DNM3: variants seen among roughly 807,000 people sequenced by gnomAD.
DNM3 encodes the protein dynamin 3.
Under a neutral mutation model 101.6 loss-of-function variants are expected in DNM3, and 47 were observed. The ratio of observed to expected loss-of-function variants is 0.46; its 90% CI spans 0.37 to 0.59. The LOEUF is 0.59. DNM3 is among the 20% of genes least tolerant of loss of function. DNM3 has a pLI of 0.00. For missense variants in DNM3, 849 were observed against 1,085.7 expected, an observed-to-expected ratio of 0.78 and a Z score of 3.06; for synonymous variants, 385 against 387.9, an observed-to-expected ratio of 0.99 and a Z score of 0.09.
At chr1:172,288,773 G>A (rs865936251) in intron 15 of DNM3, among the ~76,000 whole-genome samples, 2 of 152,174 alleles carry the variant, frequency 1.3e-5, no homozygotes, top group African/African-American at 2.4e-5. Flanking sequence ...TTTAGGGGAA[G>A]AGAAGATTTG....
At chr1:171,914,576 C>T (rs2039564308) in intron 1 of DNM3, among the ~76,000 whole-genome samples, 1 of 151,946 alleles carries the variant, frequency 6.6e-6, no homozygotes, top group African/African-American at 2.4e-5. Flanking sequence ...TAATATTGGC[C>T]CACCTAGTAT....
At position 172,412,699 on chromosome 1, in the gene DNM3, A is replaced by AATT. The variant is rs1451730516; in HGVS notation, c.*4861_*4863dup. 6 of 985,646 alleles carry AATT rather than the reference A, an allele frequency of 6.1e-6. No individual in the cohort carries two copies. Among genetic ancestry groups the AATT allele is most frequent in the Middle Eastern group, 5.2e-4 (1 of 1,936 alleles). The allele number at this position is 985,646 out of a possible 1,614,324, so 61.1% of individuals were successfully genotyped here. A position where few individuals can be genotyped will look rare whatever the true frequency, so the allele number is the denominator to read the frequency against. On this transcript the variant is annotated 3_prime_UTR_variant, in exon 21 of 21. Coordinates refer to ENST00000627582, the MANE Select transcript of DNM3 (RefSeq NM_015569.5). ...AAGCTGTATTTCTGAAGCTGAAATA[A>AATT]ATTATAACATTTGAAGGACCCCTTT...
intron 17 of DNM3, among the ~76,000 whole-genome samples, chr1:172,369,769 G>C (rs10911654): frequency 0.18 from 27,847 of 151,796 alleles, 4,618 homozygotes; most frequent in African/African-American, 0.44. Flanking sequence ...ATTACATATT[G>C]TATTAGTTTG....
rs2071051904 is a variant in DNM3, at chr1:172,408,681, C to G, written c.*840C>G. 1 of 984,842 alleles carries G rather than the reference C, an allele frequency of 1.0e-6. No individual in the cohort carries two copies. The highest frequency in any genetic ancestry group is 1.2e-6 in the Non-Finnish European group (1 of 829,464). 61.0% of individuals were successfully genotyped at this position (984,842 alleles called of 1,614,324 possible). A position where few individuals can be genotyped will look rare whatever the true frequency, so the allele number is the denominator to read the frequency against. On this transcript the variant is annotated 3_prime_UTR_variant, in exon 21 of 21. Coordinates refer to ENST00000627582, the MANE Select transcript of DNM3 (RefSeq NM_015569.5). Reference sequence around the variant, plus strand: ...TGAAGGCTGACATGGAGAATGTTTACTTTTCTATTTGGCATAGCTAACTAC... The same window carrying G: ...TGAAGGCTGACATGGAGAATGTTTAGTTTTCTATTTGGCATAGCTAACTAC...
intron 10 of DNM3, among the ~76,000 whole-genome samples, chr1:172,057,842 A>C (rs9699505): frequency 0.75 from 105,564 of 140,220 alleles, 40,412 homozygotes; most frequent in African/African-American, 0.84. Flanking sequence ...TCACACATAA[A>C]AATATTAACT....
chr1:172,135,767 G>T (rs1372764261), intron 14 of DNM3, among the ~76,000 whole-genome samples: 1 of 151,858 alleles, frequency 6.6e-6, no homozygotes, highest in East Asian at 1.9e-4. Context: ...TGAAAAAAAT[G>T]ATGGCTTTTC....
Position 172,379,053 on chromosome 1 carries a change from T to A in DNM3, c.1929T>A (p.Phe643Leu). The change falls in exon 18 of 21, where the codon TTT becomes TTA. Residue 643 changes from phenylalanine (F) to leucine (L), a missense_variant. Coordinates refer to ENST00000627582, the MANE Select transcript of DNM3 (RefSeq NM_015569.5). The stretch of plus-strand genomic sequence containing the variant: ...ATGAGAATGGACAAGCAGAAAACTT[T>A]TCCATGGACCCACAATTGGAGAGGC... ...ENDENGQAEN[F>L]SMDPQLERQV... is the part of the protein sequence containing the mutation. 6.2e-7 allele frequency: 1 copy of A among 1,612,286 alleles called. No individual in the cohort carries two copies.
intron 2 of DNM3, among the ~76,000 whole-genome samples, chr1:171,968,637 G>A (rs142157013): frequency 5.3e-5 from 8 of 151,862 alleles, no homozygotes; most frequent in Non-Finnish European, 1.0e-4. Flanking sequence ...ACTTCAGCTT[G>A]AGTGACCCCA....
At chr1:172,186,049 T>G (rs969423970) in intron 14 of DNM3, among the ~76,000 whole-genome samples, 13 of 152,108 alleles carry the variant, frequency 8.5e-5, no homozygotes, top group African/African-American at 2.7e-4. Flanking sequence ...AGAAACCAAT[T>G]TATTGTTAAT....
intron 1 of DNM3, among the ~76,000 whole-genome samples, chr1:171,864,877 G>T (rs112047408): frequency 2.6e-5 from 4 of 151,594 alleles, no homozygotes; most frequent in African/African-American, 9.7e-5. Context: ...AAAACTAATT[G>T]TATAGCTTGG....
At position 171,937,456 on chromosome 1, in the gene DNM3, T is replaced by C. The variant is rs531879061; in HGVS notation, c.235+15635T>C. On this transcript the variant is annotated intron_variant, in intron 2 of 20. Transcript: ENST00000627582. ...CTCTTTAATATTGTTATTCTTAAAT[T>C]TTAATGTGCACAAGATACACTGGGT... Among the ~76,000 whole-genome samples the C allele has an allele frequency of 3.3e-5, 5 of 152,332 alleles. No individual in the cohort carries two copies. In the South Asian group the frequency reaches 1.0e-3, roughly 32 times the overall value.
In DNM3 at chr1:172,042,777, G is replaced by C. The variant is rs116614137; in HGVS notation, c.1128+633G>C. Among the ~76,000 whole-genome samples the C allele has an allele frequency of 4.9e-3, 753 of 152,238 alleles. 16 individuals carry two copies. The highest frequency in any genetic ancestry group is 0.017 in the African/African-American group (696 of 41,554). ...AGGGGCATGAAGTGAATTCAGAGAG[G>C]GAGGAAGTGTCCAGTTCACACAAAG... On this transcript the variant is annotated intron_variant, in intron 8 of 20. Transcript: ENST00000627582.
At chr1:172,367,422 C>G (rs549699053) in intron 17 of DNM3, among the ~76,000 whole-genome samples, 2 of 151,788 alleles carry the variant, frequency 1.3e-5, no homozygotes, top group Non-Finnish European at 2.9e-5. Context: ...AAGTGTGAAA[C>G]TCACTTATAG....
chr1:172,369,700 A>G (rs1321750971), intron 17 of DNM3, among the ~76,000 whole-genome samples: 2 of 151,946 alleles, frequency 1.3e-5, no homozygotes, highest in African/African-American at 4.8e-5. Flanking sequence ...GATTTCCAAT[A>G]CTTTCTACAA....
intron 19 of DNM3, among the ~76,000 whole-genome samples, chr1:172,387,707 G>A (rs537212683): frequency 1.7e-4 from 19 of 113,680 alleles, no homozygotes; most frequent in African/African-American, 4.3e-4. Context: ...GCCCTGCCAC[G>A]CTTGTCCAAT....
In DNM3 at chr1:171,874,523, C is replaced by T. The variant is rs149455090; in HGVS notation, c.161+32706C>T. 1.3e-3 allele frequency among the ~76,000 whole-genome samples: 204 copies of T among 152,106 alleles called. 1 individual carries two copies. Among genetic ancestry groups the T allele is most frequent in the African/African-American group, 4.7e-3 (195 of 41,494 alleles). ...GTTGATGAAATTGTATTTTTATAGA[C>T]GTATTTGAGGCTATTATGCTTTTAT... On this transcript the variant is annotated intron_variant, in intron 1 of 20. Coordinates refer to ENST00000627582, the MANE Select transcript of DNM3 (RefSeq NM_015569.5).
At chr1:172,348,718 G>A (rs973144818) in intron 17 of DNM3, among the ~76,000 whole-genome samples, 3 of 152,014 alleles carry the variant, frequency 2.0e-5, no homozygotes, top group Non-Finnish European at 4.4e-5. Flanking sequence ...AAGAGACAAG[G>A]GAATTAGCAT....
chr1:171,951,729 T>G (rs2042538691), intron 2 of DNM3, among the ~76,000 whole-genome samples: 1 of 152,126 alleles, frequency 6.6e-6, no homozygotes, highest in Non-Finnish European at 1.5e-5. Flanking sequence ...GTGGAGGTGT[T>G]GACAAAAAAC....
intron 17 of DNM3, among the ~76,000 whole-genome samples, chr1:172,344,102 T>C (rs2148965765): frequency 6.6e-6 from 1 of 152,324 alleles, no homozygotes; most frequent in East Asian, 1.9e-4. Flanking sequence ...AGCCAATTTC[T>C]TTCCATTGAG....
Sources: gnomAD v4.1 joint callset for allele counts (sites outside exome capture counted in the v4.1 genomes callset) on GRCh38, gnomAD v4.1.1 for gene constraint, MANE v1.5 for transcripts, NCBI Gene and HGNC (gene_info 2026-07-23, HGNC 2026-07-21) for gene names.